The following YAP1 variants were observed in gnomAD, a reference collection of about 807,000 sequenced individuals.
YAP1 encodes Yes1 associated transcriptional regulator, also known as transcriptional coactivator YAP1.
YAP1 carries 5 observed loss-of-function variants against 56.9 expected under a neutral mutation model. That is an observed-to-expected ratio of 0.09 (90% CI 0.05 to 0.18). The LOEUF is 0.18. Ranked by LOEUF, YAP1 falls within the 10% of genes least tolerant of loss-of-function variation. The probability of loss-of-function intolerance (pLI) is 1.00; values close to 1 mark genes in which losing one functional copy is unlikely to be tolerated. For synonymous variants in YAP1, 265 were observed against 248.1 expected, an observed-to-expected ratio of 1.07 and a Z score of -0.64; for missense variants, 539 against 651.8, an observed-to-expected ratio of 0.83 and a Z score of 1.88.
chr11:102,135,640 T>A, intron 2 of YAP1, among the ~76,000 whole-genome samples: 1 of 152,214 alleles, frequency 6.6e-6, no homozygotes, highest in African/African-American at 2.4e-5. Context: ...AAATCTAACC[T>A]TGGACATCCC....
At chr11:102,112,392 T>G (rs974990334) in intron 1 of YAP1, 1 of 978,200 alleles carries the variant, frequency 1.0e-6, no homozygotes, top group Non-Finnish European at 1.2e-6. Context: ...TTGTGTAGGG[T>G]TCTCTCTTTT....
chr11:102,224,475 G>T (rs200493719), intron 7 of YAP1, among the ~76,000 whole-genome samples: 3 of 152,252 alleles, frequency 2.0e-5, no homozygotes, highest in East Asian at 3.9e-4. Flanking sequence ...TAAAATATGG[G>T]ATTAGTTTAC....
rs962813997 is a variant in YAP1 at position 102,110,847 on chromosome 11, C to A, written c.-2C>A. On this transcript the variant is annotated 5_prime_UTR_variant, in exon 1 of 9. Coordinates refer to ENST00000282441, the MANE Select transcript of YAP1 (RefSeq NM_001130145.3). The stretch of plus-strand genomic sequence containing the variant: ...GGGTGCGCGTCGGGGGAGGCAGAAG[C>A]CATGGATCCCGGGCAGCAGCCGCCG... The A allele has an allele frequency of 1.8e-5, 26 of 1,406,112 alleles. No homozygotes were observed. The highest frequency in any genetic ancestry group is 2.4e-5 in the Non-Finnish European group (26 of 1,079,834). 87.1% of individuals were successfully genotyped at this position (1,406,112 alleles called of 1,614,324 possible). A position where few individuals can be genotyped will look rare whatever the true frequency, so the allele number is the denominator to read the frequency against.
intron 3 of YAP1, among the ~76,000 whole-genome samples, chr11:102,173,185 A>G (rs924126422): frequency 1.3e-5 from 2 of 152,148 alleles, no homozygotes; most frequent in Non-Finnish European, 2.9e-5. Flanking sequence ...AAGAAAAGGG[A>G]AGATAAAAGT....
chr11:102,209,488 T>C (rs751633299), intron 5 of YAP1, 29 bp from the exon 6 acceptor site: 13 of 1,598,540 alleles, frequency 8.1e-6, no homozygotes, highest in Middle Eastern at 1.7e-4. Flanking sequence ...CTTAAAGTAA[T>C]TTTTATCCGT....
intron 6 of YAP1, among the ~76,000 whole-genome samples, chr11:102,215,633 C>G (rs999018237): frequency 2.0e-5 from 3 of 152,090 alleles, no homozygotes; most frequent in African/African-American, 7.2e-5. Context: ...ACACCACCAC[C>G]CCCAGCTAAT....
In YAP1 at chr11:102,223,737, ATCC is replaced by A; in HGVS notation, c.1150_1152del (p.Pro384del). 1 of 1,613,988 alleles carries A rather than the reference ATCC, an allele frequency of 6.2e-7. No homozygotes were observed. Among genetic ancestry groups the A allele is most frequent in the South Asian group, 1.1e-5 (1 of 91,048 alleles). ...AGAACAATGACGACCAATAGCTCAG[ATCC>A]TTTCCTTAACAGGTTGGTGAAAGTT... On this transcript the variant is annotated inframe_deletion, in exon 7 of 9. Coordinates refer to ENST00000282441, the MANE Select transcript of YAP1 (RefSeq NM_001130145.3).
intron 3 of YAP1, among the ~76,000 whole-genome samples, chr11:102,169,944 T>A (rs1469666008): frequency 6.6e-6 from 1 of 152,236 alleles, no homozygotes; most frequent in Non-Finnish European, 1.5e-5. Flanking sequence ...AAATTTTTTC[T>A]TTTTGAAATA....
intron 2 of YAP1, among the ~76,000 whole-genome samples, chr11:102,119,114 A>G (rs1943492581): frequency 6.6e-6 from 1 of 151,720 alleles, no homozygotes; most frequent in African/African-American, 2.4e-5. Flanking sequence ...GAGAGAGAAG[A>G]TGAAAGTACG....
chr11:102,142,620 TTA>T (rs1945086448), intron 2 of YAP1, among the ~76,000 whole-genome samples: 1 of 152,258 alleles, frequency 6.6e-6, no homozygotes, highest in Admixed American at 6.5e-5. Context: ...ACAGTCAGTT[TTA>T]GTTTTAGACT....
At chr11:102,126,655 A>C (rs996121883) in intron 2 of YAP1, among the ~76,000 whole-genome samples, 5 of 152,202 alleles carry the variant, frequency 3.3e-5, no homozygotes, top group African/African-American at 1.2e-4. Flanking sequence ...AAAATGAACT[A>C]ATACAGTACA....
intron 6 of YAP1, among the ~76,000 whole-genome samples, chr11:102,222,438 C>T (rs761708543): frequency 2.0e-5 from 3 of 152,138 alleles, no homozygotes; most frequent in Non-Finnish European, 4.4e-5. Flanking sequence ...GAGTGTGCTA[C>T]GGATGGGTCA....
intron 5 of YAP1, among the ~76,000 whole-genome samples, chr11:102,207,221 A>G (rs1047608658): frequency 6.6e-6 from 1 of 152,136 alleles, no homozygotes; most frequent in African/African-American, 2.4e-5. Flanking sequence ...TCAAAATAAG[A>G]TCTTTTCCCT....
At chr11:102,119,088 C>G (rs1488866087) in intron 2 of YAP1, among the ~76,000 whole-genome samples, 2 of 151,508 alleles carry the variant, frequency 1.3e-5, no homozygotes, top group South Asian at 2.1e-4. Flanking sequence ...GTTTGTCTTG[C>G]TATTGAGGCT....
chr11:102,151,400 T>C (rs554842174), intron 2 of YAP1, among the ~76,000 whole-genome samples: 43 of 152,152 alleles, frequency 2.8e-4, no homozygotes, highest in Non-Finnish European at 4.9e-4. Flanking sequence ...TGGCTAATTT[T>C]ATAGATTATT....
At chr11:102,198,837 GA>G (rs1948699964) in intron 4 of YAP1, among the ~76,000 whole-genome samples, 1 of 152,048 alleles carries the variant, frequency 6.6e-6, no homozygotes, top group Admixed American at 6.6e-5. Flanking sequence ...TTGAAACACC[GA>G]GAAGATGTTT....
chr11:102,215,926 C>T (rs1949638720), intron 6 of YAP1, among the ~76,000 whole-genome samples: 1 of 152,158 alleles, frequency 6.6e-6, no homozygotes, highest in Non-Finnish European at 1.5e-5. Context: ...GCCTTTTTCT[C>T]CCTTTCTTAA....
At chr11:102,169,074 T>C (rs1946756218) in intron 3 of YAP1, among the ~76,000 whole-genome samples, 1 of 152,234 alleles carries the variant, frequency 6.6e-6, no homozygotes, top group Admixed American at 6.5e-5. Context: ...ATGGACCTGA[T>C]TTGAATCCCA....
chr11:102,220,462 G>A (rs186622744), intron 6 of YAP1, among the ~76,000 whole-genome samples: 13 of 152,186 alleles, frequency 8.5e-5, no homozygotes, highest in Middle Eastern at 3.4e-3. Context: ...AATGAAAATG[G>A]AACAAATACA....
Sources: allele counts gnomAD v4.1 joint callset (sites outside exome capture counted in the v4.1 genomes callset), GRCh38; gene constraint gnomAD v4.1.1; transcripts MANE v1.5; gene names NCBI Gene and HGNC (gene_info 2026-07-23, HGNC 2026-07-21).